STRN3: variants seen among roughly 807,000 people sequenced by gnomAD.
STRN3 encodes the protein striatin-3.
STRN3 carries 29 observed loss-of-function variants against 95.6 expected under a neutral mutation model. The ratio of observed to expected loss-of-function variants is 0.30; its 90% confidence interval spans 0.23 to 0.41. The LOEUF (loss-of-function observed/expected upper bound fraction) is 0.41. Ranked by LOEUF, STRN3 falls within the 10% of genes least tolerant of loss-of-function variation. The pLI is 1.00. For missense variants in STRN3, 890 were observed against 972.1 expected, an observed-to-expected ratio of 0.92 and a Z score of 1.12; for synonymous variants, 331 against 357.6, an observed-to-expected ratio of 0.93 and a Z score of 0.84.
chr14:30,897,296 T>C lies in STRN3; in HGVS notation c.2138-1548A>G, dbSNP rs377427789. Among the ~76,000 whole-genome samples, 11 of 152,080 alleles carry C rather than the reference T, an allele frequency of 7.2e-5. No homozygotes were observed. The South Asian group carries it at 2.3e-3, about 32-fold the overall frequency. On this transcript the variant is annotated intron_variant, in intron 16 of 17. Transcript: ENST00000357479. The stretch of plus-strand genomic sequence containing the variant: ...ACTCCAAAAAACCTATAAAAAGTAA[T>C]ATAGTAGGCCAGCTGTGGGGGATCA...
chr14:30,948,926 T>A (rs953109736), intron 4 of STRN3, among the ~76,000 whole-genome samples: 3 of 152,220 alleles, frequency 2.0e-5, no homozygotes, highest in Non-Finnish European at 4.4e-5. Context: ...TTGGTCTGAA[T>A]GAACTGCCAA....
chr14:30,942,714 T>TAC (rs1275410084), intron 5 of STRN3, among the ~76,000 whole-genome samples: 1 of 152,148 alleles, frequency 6.6e-6, no homozygotes, highest in East Asian at 1.9e-4. Context: ...ACCACAACCA[T>TAC]ACCCTACCAT....
chr14:30,956,649 T>C lies in STRN3; in HGVS notation c.283-407A>G, dbSNP rs541361426. Among the ~76,000 whole-genome samples, 4 of 152,284 alleles carry C rather than the reference T, an allele frequency of 2.6e-5. No homozygotes were observed. The South Asian group carries it at 8.3e-4, about 32-fold the overall frequency. Reference sequence around the variant, plus strand: ...ATCCCTTTTAAAATAAAGATAACTATAAATTAGCTAGTTTATAATCCTTAA... The same window carrying C: ...ATCCCTTTTAAAATAAAGATAACTACAAATTAGCTAGTTTATAATCCTTAA... On this transcript the variant is annotated intron_variant, in intron 1 of 17. Transcript: ENST00000357479.
chr14:30,920,874 C>T (rs1250376059), intron 8 of STRN3, among the ~76,000 whole-genome samples: 1 of 152,158 alleles, frequency 6.6e-6, no homozygotes, highest in African/African-American at 2.4e-5. Flanking sequence ...CTTAACCTTT[C>T]ATGTGCTTCA....
chr14:30,974,617 A>T (rs1880995644), intron 1 of STRN3, among the ~76,000 whole-genome samples: 1 of 151,722 alleles, frequency 6.6e-6, no homozygotes, highest in Non-Finnish European at 1.5e-5. Flanking sequence ...CAAAAAAAAA[A>T]AAAAAACCTT....
chr14:31,011,233 C>G (rs1882955059), intron 1 of STRN3, among the ~76,000 whole-genome samples: 1 of 152,108 alleles, frequency 6.6e-6, no homozygotes, highest in South Asian at 2.1e-4. Context: ...ACTTTTTCTC[C>G]TAGTATATAC....
At position 30,894,108 on chromosome 14, in the gene STRN3, T is replaced by C. The variant is rs1426782686; in HGVS notation, c.*1303A>G. ...TCATGCATTACACAAACAAAATCTT[T>C]AGTTACACCATAAAATTAAGCACAT... On this transcript the variant is annotated 3_prime_UTR_variant, in exon 18 of 18. Coordinates refer to ENST00000357479, the MANE Select transcript of STRN3 (RefSeq NM_001083893.2). The C allele has an allele frequency of 2.6e-5, 4 of 152,584 alleles. No individual in the cohort carries two copies. The highest frequency in any genetic ancestry group is 9.7e-5 in the African/African-American group (4 of 41,448). The allele number at this position is 152,584 out of a possible 1,614,324, so 9.5% of individuals were successfully genotyped here.
intron 1 of STRN3, among the ~76,000 whole-genome samples, chr14:31,009,556 T>C (rs1882872355): frequency 2.0e-5 from 3 of 149,782 alleles, no homozygotes; most frequent in Middle Eastern, 3.2e-3. Context: ...CCCAAAAATA[T>C]AGCAGTGGTT....
At chr14:30,950,248 C>A (rs1471673909) in intron 4 of STRN3, among the ~76,000 whole-genome samples, 1 of 152,062 alleles carries the variant, frequency 6.6e-6, no homozygotes, top group Non-Finnish European at 1.5e-5. Flanking sequence ...ATGAAATATT[C>A]TAAAGATAGT....
At chr14:30,927,930 C>CAAAA (rs56216107) in intron 8 of STRN3, among the ~76,000 whole-genome samples, 3 of 85,060 alleles carry the variant, frequency 3.5e-5, no homozygotes, top group Non-Finnish European at 4.5e-5. Flanking sequence ...GAGACTCCGT[C>CAAAA]AAAAAAAAAA....
At chr14:30,994,513 C>T (rs952512908) in intron 1 of STRN3, among the ~76,000 whole-genome samples, 6 of 152,022 alleles carry the variant, frequency 3.9e-5, no homozygotes, top group African/African-American at 1.4e-4. Context: ...GCATAGGGAT[C>T]TTATATAAAC....
At chr14:30,941,615 T>C (rs1262196233) in intron 5 of STRN3, among the ~76,000 whole-genome samples, 2 of 151,660 alleles carry the variant, frequency 1.3e-5, no homozygotes, top group African/African-American at 2.4e-5. Flanking sequence ...GATTCAACAT[T>C]GTGCTTCTTA....
At chr14:31,012,718 C>T (rs1883025522) in intron 1 of STRN3, among the ~76,000 whole-genome samples, 3 of 151,918 alleles carry the variant, frequency 2.0e-5, no homozygotes, top group Admixed American at 2.0e-4. Context: ...ATGGTGAAAC[C>T]CCGTCTCTAC....
chr14:30,965,881 T>G (rs562258206), intron 1 of STRN3, among the ~76,000 whole-genome samples: 6 of 152,084 alleles, frequency 3.9e-5, no homozygotes, highest in South Asian at 4.2e-4. Context: ...TCTTTTCAAA[T>G]AATATGTCAG....
At chr14:31,009,337 A>G (rs1340255577) in intron 1 of STRN3, among the ~76,000 whole-genome samples, 8 of 152,138 alleles carry the variant, frequency 5.3e-5, no homozygotes, top group Admixed American at 5.2e-4. Context: ...TATTTGGGAC[A>G]TGGAGGGCTG....
In STRN3 at chr14:30,894,887, CTTT is replaced by C; in HGVS notation, c.*521_*523del. 2 of 765,412 alleles carry C rather than the reference CTTT, an allele frequency of 2.6e-6. No homozygotes were observed. Among genetic ancestry groups the C allele is most frequent in the Non-Finnish European group, 3.3e-6 (2 of 599,970 alleles). The allele number at this position is 765,412 out of a possible 1,614,324, so 47.4% of individuals were successfully genotyped here. A position where few individuals can be genotyped will look rare whatever the true frequency, so the allele number is the denominator to read the frequency against. On this transcript the variant is annotated 3_prime_UTR_variant, in exon 18 of 18. Coordinates refer to ENST00000357479, the MANE Select transcript of STRN3 (RefSeq NM_001083893.2). Reference sequence around the variant, plus strand: ...GCTAAAATATTTTAAGTTAAATTTTCTTTTTCTTTTTTTTTTTTTTTAAAGCAA... The same window carrying C: ...GCTAAAATATTTTAAGTTAAATTTTCTTCTTTTTTTTTTTTTTTAAAGCAA...
intron 5 of STRN3, among the ~76,000 whole-genome samples, chr14:30,942,212 GT>G (rs930089271): frequency 6.6e-6 from 1 of 151,592 alleles, no homozygotes; most frequent in Non-Finnish European, 1.5e-5. Flanking sequence ...GTATGTCATT[GT>G]TTTTTTTGTT....
chr14:30,947,664 A>G (rs2139115875), intron 4 of STRN3, among the ~76,000 whole-genome samples: 1 of 152,244 alleles, frequency 6.6e-6, no homozygotes, highest in Non-Finnish European at 1.5e-5. Context: ...GTAAAGAATG[A>G]GTAGAACTGC....
intron 1 of STRN3, chr14:31,025,673 G>A: frequency 1.5e-6 from 1 of 650,084 alleles, no homozygotes; most frequent in Non-Finnish European, 2.5e-6. Context: ...TGGCTGCCCC[G>A]AGGAGGCCCG....
Sources: allele counts gnomAD v4.1 joint callset (sites outside exome capture counted in the v4.1 genomes callset), GRCh38; gene constraint gnomAD v4.1.1; transcripts MANE v1.5; gene names NCBI Gene and HGNC (gene_info 2026-07-23, HGNC 2026-07-21).